Variants in DIP2A observed in about 807,000 individuals in gnomAD.
The protein encoded by DIP2A is disco-interacting protein 2 homolog A.
DIP2A carries 85 observed loss-of-function variants against 177.4 expected under a neutral mutation model. That is an observed-to-expected ratio of 0.48 (90% CI 0.40 to 0.57). The LOEUF is 0.57. DIP2A is among the 20% of genes least tolerant of loss of function. The pLI is 0.00. For synonymous variants in DIP2A, 886 were observed against 881.8 expected (o/e 1.00, Z -0.08); for missense variants, 1,791 against 2,100.2 (o/e 0.85, Z 2.88).
intron 34 of DIP2A, among the ~76,000 whole-genome samples, chr21:46,562,993 A>G (rs1036364325): frequency 6.6e-6 from 1 of 152,104 alleles, no homozygotes; most frequent in African/African-American, 2.4e-5. Context: ...GTAATTGTTT[A>G]GCTCACCCCC....
At chr21:46,479,006 C>T (rs939803648) in intron 1 of DIP2A, among the ~76,000 whole-genome samples, 15 of 152,210 alleles carry the variant, frequency 9.9e-5, no homozygotes, top group African/African-American at 3.1e-4. Flanking sequence ...TCCAAGATCA[C>T]TTTAATCTAT....
At chr21:46,463,591 GA>G (rs1568889656) in intron 1 of DIP2A, among the ~76,000 whole-genome samples, 1 of 151,998 alleles carries the variant, frequency 6.6e-6, no homozygotes. Flanking sequence ...TGAAAAGGGG[GA>G]AAAAACTCTG....
In DIP2A at chr21:46,556,045, A is replaced by T. The variant is rs1263532630; in HGVS notation, c.3452A>T (p.Tyr1151Phe). The T allele has an allele frequency of 6.2e-7, 1 of 1,613,980 alleles. No homozygotes were observed. Among genetic ancestry groups the T allele is most frequent in the Admixed American group, 1.7e-5 (1 of 60,016 alleles). Residue 1151 changes from tyrosine to phenylalanine, a missense_variant, in exon 29 of 38, where the codon TAC becomes TTC. By Grantham distance (22) the Tyr-to-Phe change is conservative. Coordinates refer to ENST00000417564, the MANE Select transcript of DIP2A (RefSeq NM_015151.4). The surrounding 1 kb of genome is among the most constrained non-coding windows in gnomAD (Gnocchi z 4.5). ...CCCCCCTCCCCCGATGTCCTCGCAT[A>T]CTTGGACTTCAGCGTGTCAACCACT... ...FRPPSPDVLAYLDFSVSTTGI... is the reference protein window; with the variant it reads ...FRPPSPDVLAFLDFSVSTTGI...
chr21:46,505,720 G>A (rs576358414), intron 6 of DIP2A, among the ~76,000 whole-genome samples: 3 of 152,124 alleles, frequency 2.0e-5, no homozygotes, highest in South Asian at 2.1e-4. Context: ...TCCTCTCTTC[G>A]GATCCTTCTG....
chr21:46,554,496 C>G (rs2060385110), intron 26 of DIP2A, 79 bp from the exon 27 acceptor site: 3 of 1,572,758 alleles, frequency 1.9e-6, no homozygotes, highest in Non-Finnish European at 2.6e-6. Context: ...CTCCCCTCCT[C>G]TCTCGCAGGA....
chr21:46,562,197 AG>A lies in DIP2A; in HGVS notation c.4089+395del, dbSNP rs1449802039. Among the ~76,000 whole-genome samples, 8 of 152,178 alleles carry A rather than the reference AG, an allele frequency of 5.3e-5. No homozygotes were observed. In the East Asian group the frequency reaches 1.5e-3, roughly 29 times the overall value. ...ATGGCAAAATCTCATGCCCTAGTTT[AG>A]GGTGTCAGCAGGGAAGAGGCCCCCA... On this transcript the variant is annotated intron_variant, in intron 34 of 37. Coordinates refer to ENST00000417564, the MANE Select transcript of DIP2A (RefSeq NM_015151.4).
chr21:46,534,863 C>G (rs1039021253), intron 13 of DIP2A, among the ~76,000 whole-genome samples, 176 bp downstream of exon 13: 1 of 152,210 alleles, frequency 6.6e-6, no homozygotes, highest in Non-Finnish European at 1.5e-5. Context: ...CTTACAGGGT[C>G]TCTGTGGTTG....
At chr21:46,541,717 C>T (rs771333616) in intron 17 of DIP2A, 39 bp from the exon 18 acceptor site, 2 of 1,612,644 alleles carry the variant, frequency 1.2e-6, no homozygotes, top group Non-Finnish European at 8.5e-7. Flanking sequence ...GAATTTCATC[C>T]CCCTCGTCAG....
At chr21:46,494,304 C>T (rs1347641390) in intron 3 of DIP2A, among the ~76,000 whole-genome samples, 2 of 152,156 alleles carry the variant, frequency 1.3e-5, no homozygotes, top group African/African-American at 4.8e-5. Flanking sequence ...GATGGTTCCT[C>T]TTGGTGTCTC....
chr21:46,552,129 T>C (rs545210165), intron 25 of DIP2A, among the ~76,000 whole-genome samples: 1 of 152,370 alleles, frequency 6.6e-6, no homozygotes, highest in East Asian at 1.9e-4. Context: ...CTTTCCTTTC[T>C]TGTTTTCCAC....
intron 1 of DIP2A, among the ~76,000 whole-genome samples, chr21:46,460,957 G>A (rs959745238): frequency 6.6e-6 from 1 of 151,592 alleles, no homozygotes; most frequent in African/African-American, 2.4e-5. Context: ...GCCTCCCAAA[G>A]TGCTGGGATT....
In DIP2A at chr21:46,498,509, A is replaced by T; in HGVS notation, c.404-73A>T. ...GCTGCACACAGGTCTGGGAGGCTCC[A>T]GTGTGAGTGGGAACTCCGTCCTCCT... is the stretch of plus-strand genomic sequence containing the variant. On this transcript the variant is annotated intron_variant, in intron 4 of 37. Coordinates refer to ENST00000417564, the MANE Select transcript of DIP2A (RefSeq NM_015151.4). This position sits in a 1 kb window ranked among gnomAD's most constrained non-coding sequence, Gnocchi z 4.3. 1.3e-6 allele frequency: 2 copies of T among 1,526,634 alleles called. No individual in the cohort carries two copies. Among genetic ancestry groups the T allele is most frequent in the Non-Finnish European group, 1.8e-6 (2 of 1,129,102 alleles). The allele number at this position is 1,526,634 out of a possible 1,614,324, so 94.6% of individuals were successfully genotyped here.
At chr21:46,559,453 C>T (rs2060592373) in intron 32 of DIP2A, among the ~76,000 whole-genome samples, 1 of 152,210 alleles carries the variant, frequency 6.6e-6, no homozygotes, top group African/African-American at 2.4e-5. Context: ...GGCGGGGGCT[C>T]TGCTCACACC....
rs2059383159 is a variant in DIP2A, at chr21:46,532,202, G to A, written c.1270G>A (p.Val424Ile). 1 of 1,613,812 alleles carries A rather than the reference G, an allele frequency of 6.2e-7. No individual in the cohort carries two copies. Among genetic ancestry groups the A allele is most frequent in the Non-Finnish European group, 8.5e-7 (1 of 1,179,854 alleles). ...AFYGCLLAEL[V>I]PVPIEVPLTR... ...TTATGGGTGTCTCCTGGCAGAGCTG[G>A]TTCCTGTCCCCATAGAAGTGCCATT... The change falls in exon 10 of 38, where the codon GTT (valine) becomes ATT (isoleucine). Residue 424 changes from valine to isoleucine, a missense_variant. Physicochemically the swap from Val to Ile is conservative, Grantham distance 29. Transcript: ENST00000417564.
Position 46,541,779 on chromosome 21 carries a change from C to T in DIP2A, c.2060C>T (p.Pro687Leu). 3.1e-6 allele frequency: 5 copies of T among 1,613,966 alleles called. No individual in the cohort carries two copies. In the South Asian group the frequency reaches 5.5e-5, roughly 18 times the overall value. Reference protein sequence around the residue: ...IRRPPDLGGPPPRKAVLSMNG... With the variant: ...IRRPPDLGGPLPRKAVLSMNG... ...AGGCCACCTGATCTGGGAGGACCAC[C>T]TCCAAGAAAAGCAGTCCTGTCGATG... Residue 687 changes from proline (P) to leucine (L), a missense_variant, in exon 18 of 38, where the codon CCT (proline) becomes CTT (leucine). By Grantham distance (98) the Pro-to-Leu change is moderately conservative (BLOSUM62 -3). Coordinates refer to ENST00000417564, the MANE Select transcript of DIP2A (RefSeq NM_015151.4).
chr21:46,515,422 G>T (rs1355535180), intron 8 of DIP2A, among the ~76,000 whole-genome samples: 1 of 148,998 alleles, frequency 6.7e-6, no homozygotes, highest in African/African-American at 2.5e-5. Context: ...CGTCTGCTTT[G>T]TGAAGAACCC....
At chr21:46,578,572 G>C in the DIP2A span, among the ~76,000 whole-genome samples, 2 of 152,098 alleles carry the variant, frequency 1.3e-5, no homozygotes, top group Non-Finnish European at 2.9e-5. Context: ...TTGCTCATTC[G>C]GTATGAAATT....
At chr21:46,520,945 AT>A (rs1309876127) in intron 8 of DIP2A, among the ~76,000 whole-genome samples, 1 of 152,226 alleles carries the variant, frequency 6.6e-6, no homozygotes, top group Admixed American at 6.5e-5. Context: ...AAAAGGCAGA[AT>A]TTAGAGTATG....
rs2060656412 is a variant in DIP2A, at chr21:46,561,332, A to G, written c.4032-416A>G. The G allele has an allele frequency of 9.2e-6, 3 of 324,492 alleles. No individual in the cohort carries two copies. In the Admixed American group the frequency reaches 1.4e-4, roughly 15 times the overall value. The allele number at this position is 324,492 out of a possible 1,614,324, so 20.1% of individuals were successfully genotyped here. ...CTTGATGAACGATGGTGGTGCATAC[A>G]GTGTGTGCTTGCTGGTCTGTGGTCA... On this transcript the variant is annotated intron_variant, in intron 33 of 37. Transcript: ENST00000417564.
Sources: gnomAD v4.1 joint callset for allele counts (sites outside exome capture counted in the v4.1 genomes callset) on GRCh38, gnomAD v4.1.1 for gene constraint, Gnocchi (gnomAD v3.1) non-coding constraint, MANE v1.5 for transcripts, NCBI Gene and HGNC (gene_info 2026-07-23, HGNC 2026-07-21) for gene names.